Variants in POLE2 observed in about 807,000 individuals in gnomAD.
The protein encoded by POLE2 is DNA polymerase epsilon 2, accessory subunit, also known as DNA polymerase epsilon subunit 2.
In POLE2, 56 loss-of-function variants were observed where a neutral mutation model predicts 79.4. That is an observed-to-expected ratio of 0.71 (90% CI 0.57 to 0.88). The LOEUF (loss-of-function observed/expected upper bound fraction) is 0.88, where lower values mean the gene tolerates loss of function less well. POLE2 is among the 40% of genes least tolerant of loss of function. The pLI is 0.00. For synonymous variants in POLE2, 212 were observed against 214.0 expected (o/e 0.99, Z 0.08); for missense variants, 598 against 638.9 (o/e 0.94, Z 0.69).
intron 15 of POLE2, 44 bp from the exon 16 acceptor site, chr14:49,651,421 T>C: frequency 2.4e-6 from 2 of 825,868 alleles, no homozygotes; most frequent in Non-Finnish European, 3.9e-6. Context: ...CAGAAAAAAA[T>C]GATATTAATT....
chr14:49,677,123 G>A (rs1204499361), intron 3 of POLE2, among the ~76,000 whole-genome samples: 1 of 152,226 alleles, frequency 6.6e-6, no homozygotes, highest in Non-Finnish European at 1.5e-5. Context: ...TCTACGCCCT[G>A]AAGCGAATCC....
chr14:49,647,311 T>C lies in POLE2; in HGVS notation c.1547A>G (p.Asn516Ser), dbSNP rs774976871. 2.6e-6 allele frequency: 4 copies of C among 1,560,772 alleles called. No homozygotes were observed. Among genetic ancestry groups the C allele is most frequent in the South Asian group, 1.2e-5 (1 of 85,760 alleles). ...CACTTACCTATCTTCTACTGTCTTA[T>C]TAGAAGGATAAAAAACTTTGAATGA... ...GFSFKVFYPSNKTVEDSKLQG... is the reference protein window; with the variant it reads ...GFSFKVFYPSSKTVEDSKLQG... The change falls in exon 18 of 19, where the codon AAT (asparagine) becomes AGT (serine). Residue 516 changes from asparagine (N) to serine (S), a missense_variant. Asn to Ser is a conservative substitution (Grantham distance 46). Transcript: ENST00000216367.
intron 18 of POLE2, among the ~76,000 whole-genome samples, chr14:49,644,793 C>A (rs1285317502): frequency 1.3e-5 from 2 of 151,734 alleles, no homozygotes; most frequent in African/African-American, 4.8e-5. Flanking sequence ...TAATCCCAGC[C>A]ACTTTGGGAG....
At chr14:49,665,246 C>T in intron 7 of POLE2, 83 bp from the exon 8 acceptor site, 3 of 686,634 alleles carry the variant, frequency 4.4e-6, no homozygotes, top group Middle Eastern at 2.8e-4. Context: ...AGTTTGACAA[C>T]AGAATACAAT....
intron 9 of POLE2, among the ~76,000 whole-genome samples, 170 bp downstream of exon 9, chr14:49,664,456 C>T (rs1297279049): frequency 6.6e-6 from 1 of 152,056 alleles, no homozygotes; most frequent in East Asian, 1.9e-4. Context: ...ATTTTCATCA[C>T]CCCAAAAAGA....
intron 1 of POLE2, 125 bp from the exon 2 acceptor site, chr14:49,683,818 A>T: frequency 1.8e-6 from 1 of 562,470 alleles, no homozygotes; most frequent in Non-Finnish European, 3.1e-6. Flanking sequence ...TGCTCTCTTC[A>T]AGTAGCACTT....
At chr14:49,679,942 G>T (rs1393727403) in intron 2 of POLE2, 142 bp from the exon 3 acceptor site, 8 of 588,970 alleles carry the variant, frequency 1.4e-5, no homozygotes, top group Non-Finnish European at 2.4e-5. Flanking sequence ...AAAAGTGTTA[G>T]GTCAGAACAA....
At chr14:49,675,372 C>A (rs1315444350) in intron 3 of POLE2, among the ~76,000 whole-genome samples, 1 of 152,188 alleles carries the variant, frequency 6.6e-6, no homozygotes, top group African/African-American at 2.4e-5. Flanking sequence ...GCATGAGCCA[C>A]TGCGCCCGGC....
intron 3 of POLE2, 126 bp downstream of exon 3, chr14:49,679,599 C>T (rs972891744): frequency 3.7e-6 from 2 of 547,898 alleles, no homozygotes; most frequent in Admixed American, 3.5e-5. Flanking sequence ...TTTAAAAAGA[C>T]ACACAGAAAT....
At chr14:49,662,311 G>A (rs45489893) in intron 10 of POLE2, among the ~76,000 whole-genome samples, 1,913 of 152,336 alleles carry the variant, frequency 0.013, 39 homozygotes, top group African/African-American at 0.043. Flanking sequence ...CCTTGTTGTT[G>A]TTGTTGAGAC....
intron 10 of POLE2, among the ~76,000 whole-genome samples, chr14:49,656,817 C>T (rs1299526074): frequency 6.6e-6 from 1 of 151,974 alleles, no homozygotes; most frequent in Admixed American, 6.6e-5. Flanking sequence ...CAGATCTTAT[C>T]AAATTTGTAA....
At chr14:49,647,709 C>T (rs748533497) in intron 17 of POLE2, among the ~76,000 whole-genome samples, 5 of 152,142 alleles carry the variant, frequency 3.3e-5, no homozygotes, top group Non-Finnish European at 7.3e-5. Flanking sequence ...CTGCTCACCT[C>T]GGCCTCTCAG....
chr14:49,663,614 T>C lies in POLE2; in HGVS notation c.683-227A>G, dbSNP rs192907635. Among the ~76,000 whole-genome samples, 632 of 152,354 alleles carry C rather than the reference T, an allele frequency of 4.1e-3. 4 individuals carry two copies. Among genetic ancestry groups the C allele is most frequent in the African/African-American group, 0.015 (604 of 41,584 alleles). On this transcript the variant is annotated intron_variant, in intron 9 of 18. Transcript: ENST00000216367. Reference sequence around the variant, plus strand: ...ATTCAGAACTTTTCACTTTTCAGTTTGGCAGTACGTGTTGATACAGATTAG... The same window carrying C: ...ATTCAGAACTTTTCACTTTTCAGTTCGGCAGTACGTGTTGATACAGATTAG...
intron 1 of POLE2, 106 bp from the exon 2 acceptor site, chr14:49,683,799 A>G (rs946997831): frequency 1.7e-6 from 1 of 601,556 alleles, no homozygotes; most frequent in African/African-American, 1.9e-5. Flanking sequence ...GAAAGGAAGA[A>G]CCACTAACTG....
intron 2 of POLE2, chr14:49,681,160 G>GTGCT (rs1886675816): frequency 2.0e-5 from 3 of 152,908 alleles, no homozygotes; most frequent in Admixed American, 2.0e-4. Flanking sequence ...TATCCTCAGG[G>GTGCT]TGCTATAAAT....
intron 3 of POLE2, among the ~76,000 whole-genome samples, chr14:49,675,471 A>G (rs1292663608): frequency 6.7e-6 from 1 of 150,170 alleles, no homozygotes; most frequent in Non-Finnish European, 1.5e-5. Flanking sequence ...AGACAGTCTC[A>G]CTCTGATGCC....
At chr14:49,674,670 G>C (rs1030367622) in intron 3 of POLE2, among the ~76,000 whole-genome samples, 1 of 152,240 alleles carries the variant, frequency 6.6e-6, no homozygotes, top group Non-Finnish European at 1.5e-5. Flanking sequence ...GGGTTCAAGC[G>C]ATTCTCCTGC....
chr14:49,655,562 C>G, intron 11 of POLE2, 109 bp downstream of exon 11: 1 of 763,164 alleles, frequency 1.3e-6, no homozygotes, highest in Admixed American at 2.7e-5. Context: ...ATTGCTAACT[C>G]TGTTTTTTTT....
At chr14:49,653,700 G>C (rs1025059897) in intron 15 of POLE2, among the ~76,000 whole-genome samples, 2 of 151,868 alleles carry the variant, frequency 1.3e-5, no homozygotes, top group African/African-American at 4.8e-5. Context: ...CTGCAGGCTG[G>C]AATGCAGTAG....
Sources: gnomAD v4.1 joint callset for allele counts (sites outside exome capture counted in the v4.1 genomes callset) on GRCh38, gnomAD v4.1.1 for gene constraint, MANE v1.5 for transcripts, NCBI Gene and HGNC (gene_info 2026-07-23, HGNC 2026-07-21) for gene names.